The following CYP24A1 variants were observed in gnomAD, a reference collection of about 807,000 sequenced individuals.
CYP24A1 encodes the protein cytochrome P450 family 24 subfamily A member 1.
A neutral mutation model predicts 62.4 loss-of-function variants in CYP24A1; 68 were observed. The ratio of observed to expected loss-of-function variants is 1.09; its 90% CI spans 0.90 to 1.33. CYP24A1 has a LOEUF of 1.33. CYP24A1 is among the 40% of genes most tolerant of loss of function. The pLI is 0.00. For missense variants in CYP24A1, 787 were observed against 653.0 expected, an observed-to-expected ratio of 1.21 and a Z score of -2.24; for synonymous variants, 267 against 253.0, an observed-to-expected ratio of 1.06 and a Z score of -0.52.
rs921864844 is a variant in CYP24A1, at chr20:54,155,505, G to A, written c.*11-744C>T. On this transcript the variant is annotated intron_variant, in intron 11 of 11. Coordinates refer to ENST00000216862, the MANE Select transcript of CYP24A1 (RefSeq NM_000782.5). ...TCCCAGCACTTTGGGAGGCCGAGGC[G>A]GGTGGATCACGAGGTCAGGAGTTCA... Among the ~76,000 whole-genome samples, 10 of 152,028 alleles carry A rather than the reference G, an allele frequency of 6.6e-5. No individual in the cohort carries two copies. The East Asian group carries it at 7.7e-4, about 12-fold the overall frequency.
At chr20:54,171,358 C>T (rs2092693119) in intron 3 of CYP24A1, among the ~76,000 whole-genome samples, 2 of 152,228 alleles carry the variant, frequency 1.3e-5, no homozygotes, top group Admixed American at 6.5e-5. Flanking sequence ...CCATTGCTCC[C>T]TCATTGTGAT....
At chr20:54,147,573 T>C in the CYP24A1 span, among the ~76,000 whole-genome samples, 1 of 152,178 alleles carries the variant, frequency 6.6e-6, no homozygotes, top group South Asian at 2.1e-4. Flanking sequence ...AGATGGTGCA[T>C]CTCATCCCAC....
chr20:54,164,439 G>A lies in CYP24A1; in HGVS notation c.844+13C>T, dbSNP rs375874703. 7.4e-6 allele frequency: 12 copies of A among 1,614,064 alleles called. No homozygotes were observed. The highest frequency in any genetic ancestry group is 1.7e-5 in the Admixed American group (1 of 60,014). On this transcript the variant is annotated intron_variant, in intron 6 of 11. Coordinates refer to ENST00000216862, the MANE Select transcript of CYP24A1 (RefSeq NM_000782.5). ...GGGCTGGTTCTGGCTGGTTGTGAAGGGCGGCCCTTTACCTGATTTGAAAAT... is the reference window on the plus strand; with the variant it reads ...GGGCTGGTTCTGGCTGGTTGTGAAGAGCGGCCCTTTACCTGATTTGAAAAT...
intron 4 of CYP24A1, among the ~76,000 whole-genome samples, chr20:54,166,129 T>C (rs754670413): frequency 3.3e-5 from 5 of 152,176 alleles, no homozygotes; most frequent in Non-Finnish European, 5.9e-5. Flanking sequence ...CTAGCAAAGG[T>C]GCTGCAGGGT....
At position 54,157,280 on chromosome 20, in the gene CYP24A1, T is replaced by G; in HGVS notation, c.1444A>C (p.Lys482Gln). 1 of 1,607,210 alleles carries G rather than the reference T, an allele frequency of 6.2e-7. No individual in the cohort carries two copies. Among genetic ancestry groups the G allele is most frequent in the Non-Finnish European group, 8.5e-7 (1 of 1,173,778 alleles). ...TTGTCTGTGGCCTGGATGTCGTATT[T>G]GCGGACAATCTGTAATGCACACGCA... ...LHLALCWIVR[K>Q]YDIQATDNEP... The change falls in exon 11 of 12, where the codon AAA becomes CAA. Residue 482 changes from lysine (K) to glutamine (Q), a missense_variant. Coordinates refer to ENST00000216862, the MANE Select transcript of CYP24A1 (RefSeq NM_000782.5).
chr20:54,147,880 C>T, the CYP24A1 span, among the ~76,000 whole-genome samples: 1 of 152,062 alleles, frequency 6.6e-6, no homozygotes, highest in Non-Finnish European at 1.5e-5. Context: ...TGTTGCCAGG[C>T]TGGAGTGCAA....
At chr20:54,146,300 G>T in the CYP24A1 span, among the ~76,000 whole-genome samples, 1 of 151,982 alleles carries the variant, frequency 6.6e-6, no homozygotes, top group African/African-American at 2.4e-5. Context: ...TCCCTTTTCC[G>T]GCACCCTTGG....
At chr20:54,145,734 A>G in the CYP24A1 span, among the ~76,000 whole-genome samples, 2 of 151,948 alleles carry the variant, frequency 1.3e-5, no homozygotes, top group Non-Finnish European at 2.9e-5. Flanking sequence ...ACAGATGACT[A>G]TTACAATCCT....
At chr20:54,170,320 A>G (rs2092689555) in intron 3 of CYP24A1, among the ~76,000 whole-genome samples, 1 of 152,286 alleles carries the variant, frequency 6.6e-6, no homozygotes, top group South Asian at 2.1e-4. Context: ...TACGAAGTGT[A>G]TTGGTTGATC....
chr20:54,160,890 A>G (rs1222450777), intron 7 of CYP24A1, among the ~76,000 whole-genome samples: 1 of 152,220 alleles, frequency 6.6e-6, no homozygotes, highest in Admixed American at 6.5e-5. Context: ...TGGCCTGGAA[A>G]ACCTCAGGGG....
rs553158308 is a variant in CYP24A1, at chr20:54,164,620, T to G, written c.733-57A>C. 5 of 1,613,240 alleles carry G rather than the reference T, an allele frequency of 3.1e-6. No individual in the cohort carries two copies. In the African/African-American group the frequency reaches 5.3e-5, roughly 17 times the overall value. The stretch of plus-strand genomic sequence containing the variant: ...AATTCTCCTTCTCTCAAAGACAATG[T>G]TCGTTCTGGAAGAGGAACATTCTAA... On this transcript the variant is annotated intron_variant, in intron 5 of 11. Transcript: ENST00000216862.
At chr20:54,148,388 A>ACACACACACACC in the CYP24A1 span, among the ~76,000 whole-genome samples, 1 of 151,034 alleles carries the variant, frequency 6.6e-6, no homozygotes, top group Non-Finnish European at 1.5e-5. Flanking sequence ...ACACACACAC[A>ACACACACACACC]CACACACACA....
intron 7 of CYP24A1, among the ~76,000 whole-genome samples, chr20:54,162,230 T>G (rs1440034143): frequency 3.6e-5 from 2 of 54,976 alleles, no homozygotes; most frequent in Non-Finnish European, 9.6e-5. Flanking sequence ...CTTTTTTTTT[T>G]TTTTTTTTTT....
chr20:54,169,418 A>G (rs1188230850), intron 4 of CYP24A1, among the ~76,000 whole-genome samples, 174 bp downstream of exon 4: 6 of 152,194 alleles, frequency 3.9e-5, no homozygotes, highest in Non-Finnish European at 4.4e-5. Context: ...TGACTCATTA[A>G]CAATCCATAG....
intron 3 of CYP24A1, among the ~76,000 whole-genome samples, chr20:54,171,303 C>T (rs1423239603): frequency 2.0e-5 from 3 of 152,082 alleles, no homozygotes; most frequent in Admixed American, 1.3e-4. Flanking sequence ...GAGTGGAAAG[C>T]TGGGGTTCAA....
At chr20:54,144,769 A>G in the CYP24A1 span, among the ~76,000 whole-genome samples, 4 of 151,614 alleles carry the variant, frequency 2.6e-5, no homozygotes, top group African/African-American at 4.8e-5. Context: ...ACATACTGGT[A>G]TACTTTTATA....
At chr20:54,149,447 A>C (rs1362926176), downstream of CYP24A1, among the ~76,000 whole-genome samples, 2 of 152,234 alleles carry the variant, frequency 1.3e-5, no homozygotes, top group East Asian at 3.8e-4. Context: ...AAACCAGTAC[A>C]CAATAATATA....
chr20:54,167,623 A>G (rs984258053), intron 4 of CYP24A1, among the ~76,000 whole-genome samples: 1 of 152,032 alleles, frequency 6.6e-6, no homozygotes, highest in African/African-American at 2.4e-5. Flanking sequence ...AAACACAAAA[A>G]TCAGCCAGGC....
intron 4 of CYP24A1, among the ~76,000 whole-genome samples, chr20:54,167,141 C>A (rs2092675045): frequency 6.6e-6 from 1 of 152,160 alleles, no homozygotes; most frequent in African/African-American, 2.4e-5. Flanking sequence ...AAACAAATGG[C>A]CTAAAATCAT....
Sources: gnomAD v4.1 joint callset for allele counts (sites outside exome capture counted in the v4.1 genomes callset) on GRCh38, gnomAD v4.1.1 for gene constraint, MANE v1.5 for transcripts, NCBI Gene and HGNC (gene_info 2026-07-23, HGNC 2026-07-21) for gene names.